Variants in ETNK1 observed in about 807,000 individuals in gnomAD.
ETNK1 encodes putative protein product of Nbla10396.
ETNK1 carries 8 observed loss-of-function variants against 45.1 expected under a neutral mutation model. That is an observed-to-expected ratio of 0.18 (90% confidence interval 0.10 to 0.32). The LOEUF is 0.32. Among genes scored for constraint, ETNK1 ranks in the 10% least tolerant of loss-of-function variants. The probability of loss-of-function intolerance (pLI) is 1.00; values close to 1 mark genes in which losing one functional copy is unlikely to be tolerated. For synonymous variants in ETNK1, 152 were observed against 151.9 expected (o/e 1.00, Z -0.01); for missense variants, 302 against 430.6 (o/e 0.70, Z 2.64).
chr12:22,684,846 T>C, intron 7 of ETNK1, 36 bp from the exon 8 acceptor site: 1 of 1,541,864 alleles, frequency 6.5e-7, no homozygotes, highest in Non-Finnish European at 8.8e-7. Context: ...TTTTTCAGCT[T>C]TGACTAATTT....
chr12:22,690,081 C>A lies in ETNK1; in HGVS notation c.*5127C>A, dbSNP rs991454553. ...GAATGAAATTGGGTAACTGTCATTGCGTTAGCTTTATGTTGAATTGGGAAA... is the reference window on the plus strand; with the variant it reads ...GAATGAAATTGGGTAACTGTCATTGAGTTAGCTTTATGTTGAATTGGGAAA... On this transcript the variant is annotated 3_prime_UTR_variant, in exon 8 of 8. Transcript: ENST00000266517. 1 of 152,408 alleles carries A rather than the reference C, an allele frequency of 6.6e-6. No individual in the cohort carries two copies. The highest frequency in any genetic ancestry group is 2.4e-5 in the African/African-American group (1 of 41,426). The allele number at this position is 152,408 out of a possible 1,614,324, so 9.4% of individuals were successfully genotyped here.
In ETNK1 at chr12:22,659,168, T is replaced by A; in HGVS notation, c.557+14T>A. 6.2e-7 allele frequency: 1 copy of A among 1,607,926 alleles called. No individual in the cohort carries two copies. The highest frequency in any genetic ancestry group is 1.1e-5 in the South Asian group (1 of 90,490). ...CATTAATAAAAGGTAAAATTATTTT[T>A]ACATTTGAAATTATGTTTTACATTG... On this transcript the variant is annotated intron_variant, in intron 3 of 7. Transcript: ENST00000266517.
At chr12:22,661,518 G>C (rs1953998946) in intron 4 of ETNK1, among the ~76,000 whole-genome samples, 1 of 152,116 alleles carries the variant, frequency 6.6e-6, no homozygotes, top group Admixed American at 6.5e-5. Context: ...GGTTATTCAT[G>C]AGTTGAACAT....
intron 2 of ETNK1, chr12:22,644,379 TTC>T: frequency 7.4e-7 from 1 of 1,357,084 alleles, no homozygotes; most frequent in South Asian, 2.1e-5. Context: ...GTTTTCAGAG[TTC>T]TTGCCTATTA....
chr12:22,658,996 C>T lies in ETNK1; in HGVS notation c.417-18C>T, dbSNP rs201756110. On this transcript the variant is annotated intron_variant, in intron 2 of 7. Transcript: ENST00000266517. ...TGATACTTAAGTTTTTCTTTTTATG[C>T]GGTTTTGTTTTAAACAGGCTAATAG... 5.6e-6 allele frequency: 9 copies of T among 1,596,526 alleles called. No homozygotes were observed. The highest frequency in any genetic ancestry group is 5.4e-5 in the African/African-American group (4 of 73,844).
intron 6 of ETNK1, among the ~76,000 whole-genome samples, chr12:22,679,921 A>G (rs1954197981): frequency 6.6e-6 from 1 of 151,968 alleles, no homozygotes; most frequent in South Asian, 2.1e-4. Context: ...CGAACTCCTG[A>G]CCTCAAATGA....
At chr12:22,630,669 GGT>G (rs1430451471) in intron 1 of ETNK1, among the ~76,000 whole-genome samples, 1 of 152,010 alleles carries the variant, frequency 6.6e-6, no homozygotes, top group Non-Finnish European at 1.5e-5. Context: ...GGAGTGCAGT[GGT>G]GTGATCTCAG....
chr12:22,628,614 C>T (rs4482079), intron 1 of ETNK1, among the ~76,000 whole-genome samples: 3,628 of 152,094 alleles, frequency 0.024, 122 homozygotes, highest in African/African-American at 0.071. Context: ...TAATTCTCAA[C>T]GGACTCTTAA....
intron 1 of ETNK1, among the ~76,000 whole-genome samples, chr12:22,626,634 C>G (rs1206806359): frequency 6.6e-6 from 1 of 152,194 alleles, no homozygotes; most frequent in Non-Finnish European, 1.5e-5. Flanking sequence ...TGAGCAGTGC[C>G]TAGGGCCCAG....
chr12:22,639,284 C>T (rs1360136137), intron 1 of ETNK1, among the ~76,000 whole-genome samples: 1 of 151,820 alleles, frequency 6.6e-6, no homozygotes, highest in Non-Finnish European at 1.5e-5. Flanking sequence ...AACTCCTGAC[C>T]CCAAGTGATC....
chr12:22,639,684 G>A (rs929564786), intron 1 of ETNK1, among the ~76,000 whole-genome samples: 13 of 151,238 alleles, frequency 8.6e-5, no homozygotes, highest in Non-Finnish European at 1.3e-4. Context: ...AAAAAAAAAA[G>A]AGGAAGATCT....
At chr12:22,665,805 T>C (rs2137562692) in intron 4 of ETNK1, among the ~76,000 whole-genome samples, 1 of 152,228 alleles carries the variant, frequency 6.6e-6, no homozygotes, top group East Asian at 1.9e-4. Context: ...TACTATAGGC[T>C]AGATAGTAGG....
chr12:22,665,411 A>G (rs1954044740), intron 4 of ETNK1, among the ~76,000 whole-genome samples: 1 of 152,184 alleles, frequency 6.6e-6, no homozygotes, highest in African/African-American at 2.4e-5. Flanking sequence ...TAACTTAGAG[A>G]CAATATCTAC....
chr12:22,688,417 C>T lies in ETNK1; in HGVS notation c.*3463C>T, dbSNP rs1194146681. On this transcript the variant is annotated 3_prime_UTR_variant, in exon 8 of 8. Coordinates refer to ENST00000266517, the MANE Select transcript of ETNK1 (RefSeq NM_018638.5). ...CCAGATTTAAAGAAAAAAAGTTTCC[C>T]CCACTCTCAATTAAAAGTTAGAACC... 1.3e-5 allele frequency: 2 copies of T among 151,654 alleles called. No individual in the cohort carries two copies. Among genetic ancestry groups the T allele is most frequent in the Non-Finnish European group, 3.0e-5 (2 of 67,686 alleles). 9.4% of individuals were successfully genotyped at this position (151,654 alleles called of 1,614,324 possible).
chr12:22,632,762 A>G (rs893462786), intron 1 of ETNK1, among the ~76,000 whole-genome samples: 9 of 152,170 alleles, frequency 5.9e-5, no homozygotes, highest in African/African-American at 2.2e-4. Flanking sequence ...TCAGCCTCCC[A>G]AAGTGCTGGG....
chr12:22,636,359 T>G (rs1953655403), intron 1 of ETNK1, among the ~76,000 whole-genome samples: 1 of 152,178 alleles, frequency 6.6e-6, no homozygotes, highest in Non-Finnish European at 1.5e-5. Context: ...TCCTGAATGG[T>G]GTGCTCAAAT....
At chr12:22,669,222 T>G (rs1954082191) in intron 4 of ETNK1, among the ~76,000 whole-genome samples, 1 of 152,174 alleles carries the variant, frequency 6.6e-6, no homozygotes, top group Non-Finnish European at 1.5e-5. Flanking sequence ...CATTGTGTTT[T>G]AGTCTTTTTA....
chr12:22,671,274 G>C lies in ETNK1; in HGVS notation c.703G>C (p.Asp235His), dbSNP rs1326484572. Residue 235 changes from aspartate to histidine, a missense_variant and splice_region_variant, in exon 5 of 8, where the codon GAT becomes CAT. Coordinates refer to ENST00000266517, the MANE Select transcript of ETNK1 (RefSeq NM_018638.5). ...KNIIYNEKQGDVQFIDYEYSG... is the reference protein window; with the variant it reads ...KNIIYNEKQGHVQFIDYEYSG... ...CTTTGTTTTTGTGTCTCACATAGGT[G>C]ATGTACAGTTCATTGATTATGAATA... 1.9e-6 allele frequency: 3 copies of C among 1,595,574 alleles called. No individual in the cohort carries two copies. The highest frequency in any genetic ancestry group is 1.7e-6 in the Non-Finnish European group (2 of 1,163,978).
intron 3 of ETNK1, among the ~76,000 whole-genome samples, chr12:22,660,026 A>G (rs1953983379): frequency 6.8e-6 from 1 of 147,918 alleles, no homozygotes; most frequent in Non-Finnish European, 1.5e-5. Context: ...TTCATTCGAC[A>G]CTACCTTTAA....
Sources: gnomAD v4.1 joint callset for allele counts (sites outside exome capture counted in the v4.1 genomes callset) on GRCh38, gnomAD v4.1.1 for gene constraint, MANE v1.5 for transcripts, NCBI Gene and HGNC (gene_info 2026-07-23, HGNC 2026-07-21) for gene names.